CLIC2: variants seen among roughly 807,000 people sequenced by gnomAD.
CLIC2 encodes the protein CLIC family member 2.
A neutral mutation model predicts 14.8 loss-of-function variants in CLIC2; 9 were observed. The ratio of observed to expected loss-of-function variants is 0.61; its 90% confidence interval spans 0.37 to 1.06. The LOEUF (loss-of-function observed/expected upper bound fraction) is 1.06. CLIC2 is among the 50% of genes least tolerant of loss of function. The probability of loss-of-function intolerance (pLI) is 0.01; values close to 1 mark genes in which losing one functional copy is unlikely to be tolerated. For synonymous variants in CLIC2, 61 were observed against 66.3 expected (o/e 0.92, Z 0.39); for missense variants, 148 against 181.4 (o/e 0.82, Z 1.06).
intron 1 of CLIC2, among the ~76,000 whole-genome samples, chrX:155,301,217 A>G (rs1557319051): frequency 9.9e-6 from 1 of 101,310 alleles, no homozygotes; most frequent in Non-Finnish European, 2.0e-5. Flanking sequence ...TGAGCATGGA[A>G]TGTTCTTCCA....
At position 155,298,958 on chromosome X, in the gene CLIC2, C is replaced by T. The variant is rs782435839; in HGVS notation, c.168-48G>A. 4 of 1,179,402 alleles carry T rather than the reference C, an allele frequency of 3.4e-6. No homozygotes were observed. In the Admixed American group the frequency reaches 6.6e-5, roughly 19 times the overall value. On this transcript the variant is annotated intron_variant, in intron 2 of 5. Transcript: ENST00000369449. Reference sequence around the variant, plus strand: ...GAGTTAGGTCTCTAGATAAAGTACACATTAAATAAACACCAATATTTTATT... The same window carrying T: ...GAGTTAGGTCTCTAGATAAAGTACATATTAAATAAACACCAATATTTTATT...
rs782603768 is a variant in CLIC2, at chrX:155,293,554, T to G, written c.293+5231A>C. The G allele has an allele frequency of 2.3e-5, 10 of 441,422 alleles. No individual in the cohort carries two copies. In the South Asian group the frequency reaches 2.4e-4, roughly 10 times the overall value. 36.4% of individuals were successfully genotyped at this position (441,422 alleles called of 1,213,427 possible). Reference sequence around the variant, plus strand: ...AAACAACCAGAAAAAAATAACAAAATGACAGAAATAAGTCTTCACATGTAA... The same window carrying G: ...AAACAACCAGAAAAAAATAACAAAAGGACAGAAATAAGTCTTCACATGTAA... On this transcript the variant is annotated intron_variant, in intron 3 of 5. Coordinates refer to ENST00000369449, the MANE Select transcript of CLIC2 (RefSeq NM_001289.6).
rs1217653126 is a variant in CLIC2 at position 155,283,700 on chromosome X, G to GT, written c.294-3633dup. ...CTTTCTTGTTTCCTCACATGCCTCA[G>GT]TTTTTTTTTTTTCTTGAAAACCAGA... On this transcript the variant is annotated intron_variant, in intron 3 of 5. Coordinates refer to ENST00000369449, the MANE Select transcript of CLIC2 (RefSeq NM_001289.6). 4.1e-3 allele frequency among the ~76,000 whole-genome samples: 426 copies of GT among 103,988 alleles called. 4 individuals are homozygous for GT. The highest frequency in any genetic ancestry group is 0.018 in the East Asian group (60 of 3,342). The allele number at this position is 103,988 out of a possible 115,157, so 90.3% of individuals were successfully genotyped here.
chrX:155,292,836 C>T (rs980855420), intron 3 of CLIC2: 1 of 956,714 alleles, frequency 1.0e-6, no homozygotes, highest in Non-Finnish European at 1.5e-6. Flanking sequence ...CAACTTAAAC[C>T]GGGAACGCAT....
rs146048377 is a variant in CLIC2, at chrX:155,330,598, A to G, written c.57+3773T>C. On this transcript the variant is annotated intron_variant, in intron 1 of 5. Coordinates refer to ENST00000369449, the MANE Select transcript of CLIC2 (RefSeq NM_001289.6). ...ATAATGAAGTGAAGTGTAAAATGGTACAACTGCTTTTTAAAGTATTTTGTC... is the reference window on the plus strand; with the variant it reads ...ATAATGAAGTGAAGTGTAAAATGGTGCAACTGCTTTTTAAAGTATTTTGTC... Among the ~76,000 whole-genome samples the G allele has an allele frequency of 6.9e-3, 770 of 111,917 alleles. 7 individuals are homozygous for G. The highest frequency in any genetic ancestry group is 0.024 in the African/African-American group (729 of 30,907).
At chrX:155,332,535 G>C (rs782568822) in intron 1 of CLIC2, among the ~76,000 whole-genome samples, 19 of 111,764 alleles carry the variant, frequency 1.7e-4, no homozygotes, top group Non-Finnish European at 3.2e-4. Flanking sequence ...ATTAGACATA[G>C]CTATTTTAAA....
chrX:155,300,310 C>T (rs1180944299), intron 1 of CLIC2, among the ~76,000 whole-genome samples: 12 of 110,332 alleles, frequency 1.1e-4, no homozygotes, highest in African/African-American at 4.0e-4. Flanking sequence ...TTTTGATTTG[C>T]ATTTCTCTGA....
Position 155,277,790 on chromosome X carries a change from G to C in CLIC2, c.*113C>G, listed in dbSNP as rs781934765. 1.6e-6 allele frequency: 1 copy of C among 633,357 alleles called. No homozygotes were observed. The highest frequency in any genetic ancestry group is 2.5e-6 in the Non-Finnish European group (1 of 392,501). 52.2% of individuals were successfully genotyped at this position (633,357 alleles called of 1,213,427 possible). A position where few individuals can be genotyped will look rare whatever the true frequency, so the allele number is the denominator to read the frequency against. Reference sequence around the variant, plus strand: ...AAATACAGAGTTCCTTTTCATAAGAGAGTTGGATAGAAGAAACAGTATTTT... The same window carrying C: ...AAATACAGAGTTCCTTTTCATAAGACAGTTGGATAGAAGAAACAGTATTTT... On this transcript the variant is annotated 3_prime_UTR_variant, in exon 6 of 6. Coordinates refer to ENST00000369449, the MANE Select transcript of CLIC2 (RefSeq NM_001289.6).
chrX:155,278,016 C>T lies in CLIC2; in HGVS notation c.631G>A (p.Gly211Arg). The T allele has an allele frequency of 8.3e-7, 1 of 1,210,601 alleles. No homozygotes were observed. Among genetic ancestry groups the T allele is most frequent in the Non-Finnish European group, 1.1e-6 (1 of 894,815 alleles). ...GCATTGTGGAGATAACGCCAGACTC[C>T]TGAGAATTCTGCTGGAATGTCAAAG... The part of the protein sequence containing the change: ...RDFDIPAEFS[G>R]VWRYLHNAYA... Residue 211 changes from glycine (G) to arginine (R), a missense_variant, in exon 6 of 6, where the codon GGA becomes AGA. Coordinates refer to ENST00000369449, the MANE Select transcript of CLIC2 (RefSeq NM_001289.6).
At chrX:155,317,836 A>G (rs1449505097) in intron 1 of CLIC2, among the ~76,000 whole-genome samples, 1 of 112,220 alleles carries the variant, frequency 8.9e-6, no homozygotes, top group Admixed American at 9.4e-5. Flanking sequence ...ATCCAACAGC[A>G]TATCAAAAAG....
rs201417134 is a variant in CLIC2, at chrX:155,300,653, A to G, written c.58-1508T>C. Among the ~76,000 whole-genome samples the G allele has an allele frequency of 1.6e-4, 17 of 107,731 alleles. No individual in the cohort carries two copies. The East Asian group carries it at 4.1e-3, about 26-fold the overall frequency. The allele number at this position is 107,731 out of a possible 115,157, so 93.6% of individuals were successfully genotyped here. A position where few individuals can be genotyped will look rare whatever the true frequency, so the allele number is the denominator to read the frequency against. ...TGTTTTAGACACGAAGTCCTTGCCC[A>G]TGCCTATGTCCTGAATGGTAATGCC... On this transcript the variant is annotated intron_variant, in intron 1 of 5. Transcript: ENST00000369449.
chrX:155,288,752 T>TA (rs1557317320), intron 3 of CLIC2, among the ~76,000 whole-genome samples: 2 of 112,158 alleles, frequency 1.8e-5, no homozygotes, highest in African/African-American at 6.5e-5. Context: ...AAATTCTATA[T>TA]AAAAAATCTG....
chrX:155,298,375 T>A (rs1458212407), intron 3 of CLIC2, among the ~76,000 whole-genome samples: 1 of 112,005 alleles, frequency 8.9e-6, no homozygotes, highest in African/African-American at 3.2e-5. Flanking sequence ...TGGCCTCTGG[T>A]TAACTGCTTG....
intron 3 of CLIC2, chrX:155,290,812 A>G: frequency 1.6e-6 from 1 of 624,483 alleles, no homozygotes; most frequent in Non-Finnish European, 2.8e-6. Context: ...TTTTTTCCAA[A>G]GCCTGAAAAG....
At chrX:155,290,437 A>G (rs2074960314) in intron 3 of CLIC2, 2 of 502,984 alleles carry the variant, frequency 4.0e-6, no homozygotes, top group Non-Finnish European at 7.2e-6. Flanking sequence ...CTTGGGATGT[A>G]CTTCTTCTTC....
chrX:155,286,756 T>G (rs782049094), intron 3 of CLIC2, among the ~76,000 whole-genome samples: 3 of 112,704 alleles, frequency 2.7e-5, no homozygotes, highest in Non-Finnish European at 5.6e-5. Flanking sequence ...TTTTTTCATA[T>G]GCTAATTTGC....
chrX:155,287,904 T>A (rs1458404432), intron 3 of CLIC2, among the ~76,000 whole-genome samples: 1 of 112,057 alleles, frequency 8.9e-6, no homozygotes, highest in East Asian at 2.8e-4. Context: ...TCCATTTGTT[T>A]GTGTCTTCTC....
chrX:155,325,765 TA>T (rs1159968292), intron 1 of CLIC2, among the ~76,000 whole-genome samples: 2 of 15,295 alleles, frequency 1.3e-4, no homozygotes, highest in African/African-American at 1.1e-3. Context: ...AAATGTGATA[TA>T]TATATATATA....
rs782237643 is a variant in CLIC2 at position 155,300,233 on chromosome X, C to A, written c.58-1088G>T. On this transcript the variant is annotated intron_variant, in intron 1 of 5. Transcript: ENST00000369449. ...TCCTATTTCTCTACATCCTCTCCAG[C>A]ACCTGTTGTTTCCTGACTTTTTAAT... Among the ~76,000 whole-genome samples, 27 of 110,402 alleles carry A rather than the reference C, an allele frequency of 2.4e-4. No individual in the cohort carries two copies. In the South Asian group the frequency reaches 9.6e-3, roughly 39 times the overall value.
Sources: allele counts gnomAD v4.1 joint callset (sites outside exome capture counted in the v4.1 genomes callset), GRCh38; gene constraint gnomAD v4.1.1; transcripts MANE v1.5; gene names NCBI Gene and HGNC (gene_info 2026-07-23, HGNC 2026-07-21).